AGAP5: variants seen among roughly 807,000 people sequenced by gnomAD.
AGAP5 encodes ArfGAP with GTPase domain, ankyrin repeat and PH domain 5.
AGAP5 carries 8 observed loss-of-function variants against 27.7 expected under a neutral mutation model. That is an observed-to-expected ratio of 0.29 (90% CI 0.17 to 0.52). The LOEUF (loss-of-function observed/expected upper bound fraction) is 0.52. AGAP5 is among the 20% of genes least tolerant of loss of function. The probability of loss-of-function intolerance (pLI) is 0.97; values close to 1 mark genes in which losing one functional copy is unlikely to be tolerated. For missense variants in AGAP5, 285 were observed against 880.8 expected, an observed-to-expected ratio of 0.32 and a Z score of 8.56; for synonymous variants, 111 against 338.0, an observed-to-expected ratio of 0.33 and a Z score of 7.37.
intron 6 of AGAP5, among the ~76,000 whole-genome samples, chr10:73,677,627 C>A (rs2081991097): frequency 6.6e-6 from 1 of 151,888 alleles, no homozygotes; most frequent in Non-Finnish European, 1.5e-5. Context: ...CTCAGGCGAT[C>A]CACTTGCCTC....
At chr10:73,689,560 C>G (rs1216966578) in intron 4 of AGAP5, among the ~76,000 whole-genome samples, 2 of 151,466 alleles carry the variant, frequency 1.3e-5, no homozygotes, top group Non-Finnish European at 1.5e-5. Flanking sequence ...TCTTCCCGGC[C>G]GCCATCCCAT....
chr10:73,676,176 G>C, intron 7 of AGAP5, 102 bp from the exon 8 acceptor site: 1 of 1,569,878 alleles, frequency 6.4e-7, no homozygotes, highest in South Asian at 1.2e-5. Context: ...CATTTTCTGG[G>C]CCAGGCATGG....
At chr10:73,685,701 C>A (rs1349329856) in intron 4 of AGAP5, among the ~76,000 whole-genome samples, 1 of 151,922 alleles carries the variant, frequency 6.6e-6, no homozygotes, top group Non-Finnish European at 1.5e-5. Flanking sequence ...TACAGGTGAG[C>A]ACCACCACGC....
At chr10:73,692,970 AC>A (rs2082131745) in intron 3 of AGAP5, among the ~76,000 whole-genome samples, 2 of 152,136 alleles carry the variant, frequency 1.3e-5, no homozygotes, top group Non-Finnish European at 2.9e-5. Context: ...AAATGAGTAT[AC>A]AAACCTAATT....
At chr10:73,696,160 G>A (rs1236128116) in intron 2 of AGAP5, among the ~76,000 whole-genome samples, 1 of 152,104 alleles carries the variant, frequency 6.6e-6, no homozygotes, top group African/African-American at 2.4e-5. Flanking sequence ...CTACAGTCAT[G>A]CGCCACTACA....
At chr10:73,691,449 A>G (rs2082118023) in intron 4 of AGAP5, among the ~76,000 whole-genome samples, 2 of 148,198 alleles carry the variant, frequency 1.3e-5, no homozygotes, top group Non-Finnish European at 3.0e-5. Context: ...TAGCTATTCT[A>G]TTTTTGTTCT....
rs1027314128 is a variant in AGAP5, at chr10:73,675,942, G to T, written c.718C>A (p.Pro240Thr). ...ATGGACCGCTTGCAAACGGGGGTGG[G>T]TGTGTTGGCAGTGGGAGGAACACTG... The part of the protein sequence containing the change: ...QFSVPPTANT[P>T]TPVCKRSMRW... Residue 240 changes from proline to threonine, a missense_variant, in exon 8 of 8, where the codon CCC becomes ACC. Pro to Thr is a conservative substitution (Grantham distance 38). Transcript: ENST00000374094. 1.9e-6 allele frequency: 3 copies of T among 1,613,344 alleles called. No individual in the cohort carries two copies. The highest frequency in any genetic ancestry group is 2.5e-6 in the Non-Finnish European group (3 of 1,179,686).
Position 73,674,753 on chromosome 10 carries a change from T to A in AGAP5, c.1907A>T (p.Asn636Ile). The change falls in exon 8 of 8, where the codon AAT (asparagine) becomes ATT (isoleucine). Residue 636 changes from asparagine (N) to isoleucine (I), a missense_variant. By Grantham distance (149) the Asn-to-Ile change is moderately radical. Coordinates refer to ENST00000374094, the MANE Select transcript of AGAP5 (RefSeq NM_001144000.4). ...TALHLACRKG[N>I]VVLAQLLIWY... ...GATCAGGAGCTGTGCCAGGACCACA[T>A]TCCCCTTGCGGCAGGCCAGATGGAG... 2 of 1,612,088 alleles carry A rather than the reference T, an allele frequency of 1.2e-6. No homozygotes were observed. The highest frequency in any genetic ancestry group is 1.1e-5 in the South Asian group (1 of 90,990).
chr10:73,695,558 T>C (rs937080025), intron 2 of AGAP5, among the ~76,000 whole-genome samples: 3 of 152,256 alleles, frequency 2.0e-5, no homozygotes, highest in African/African-American at 7.2e-5. Flanking sequence ...AGTACTTATG[T>C]GCTTTGTGTA....
intron 3 of AGAP5, among the ~76,000 whole-genome samples, chr10:73,692,614 G>C (rs2082128592): frequency 6.7e-6 from 1 of 149,378 alleles, no homozygotes; most frequent in Non-Finnish European, 1.5e-5. Context: ...TTACACAACT[G>C]GAAAGTAACC....
chr10:73,691,640 G>A (rs566323251), intron 4 of AGAP5, among the ~76,000 whole-genome samples: 13 of 152,124 alleles, frequency 8.5e-5, no homozygotes, highest in African/African-American at 2.9e-4. Context: ...TTACAGGCAT[G>A]CACCACCACG....
chr10:73,695,620 T>G (rs2082154588), intron 2 of AGAP5, among the ~76,000 whole-genome samples: 1 of 152,226 alleles, frequency 6.6e-6, no homozygotes, highest in Non-Finnish European at 1.5e-5. Context: ...TCTAAAGCAA[T>G]CCTTAAATAT....
rs187145374 is a variant in AGAP5 at position 73,697,890 on chromosome 10, G to A, written c.-135C>T. On this transcript the variant is annotated 5_prime_UTR_variant, in exon 1 of 8. Coordinates refer to ENST00000374094, the MANE Select transcript of AGAP5 (RefSeq NM_001144000.4). ...GCTCCTCGCCTGCCCACCTCACAGC[G>A]CGGCCCCGGGCACCATCCCTGGCCC... 2.6e-3 allele frequency: 3,995 copies of A among 1,537,164 alleles called. 24 individuals are homozygous for A. Among genetic ancestry groups the A allele is most frequent in the South Asian group, 0.011 (893 of 84,650 alleles).
intron 2 of AGAP5, among the ~76,000 whole-genome samples, chr10:73,696,468 T>C (rs1265441652): frequency 6.6e-6 from 1 of 152,258 alleles, no homozygotes; most frequent in East Asian, 1.9e-4. Context: ...TACATTGACA[T>C]TTCATGTCTT....
At chr10:73,691,639 T>C (rs1047282034) in intron 4 of AGAP5, among the ~76,000 whole-genome samples, 3 of 152,080 alleles carry the variant, frequency 2.0e-5, no homozygotes, top group African/African-American at 2.4e-5. Flanking sequence ...ATTACAGGCA[T>C]GCACCACCAC....
intron 3 of AGAP5, among the ~76,000 whole-genome samples, chr10:73,693,391 T>C (rs1309237874): frequency 1.3e-5 from 2 of 152,188 alleles, no homozygotes; most frequent in Non-Finnish European, 2.9e-5. Context: ...ATTCTTATTA[T>C]GGTAATTTAA....
chr10:73,691,743 C>T (rs1255745385), intron 4 of AGAP5, among the ~76,000 whole-genome samples: 10 of 152,180 alleles, frequency 6.6e-5, no homozygotes, highest in South Asian at 2.1e-4. Context: ...CAGCCTGCCT[C>T]GGCCTCCTAA....
intron 4 of AGAP5, among the ~76,000 whole-genome samples, chr10:73,687,643 C>T (rs1434583482): frequency 6.6e-6 from 1 of 152,130 alleles, no homozygotes; most frequent in African/African-American, 2.4e-5. Flanking sequence ...ATTATACATA[C>T]ATTAATTTAA....
chr10:73,690,590 C>A (rs2082109187), intron 4 of AGAP5, among the ~76,000 whole-genome samples: 1 of 145,184 alleles, frequency 6.9e-6, no homozygotes, highest in South Asian at 2.2e-4. Flanking sequence ...GCGAGAAACA[C>A]CCAAGAATGA....
Sources: allele counts gnomAD v4.1 joint callset (sites outside exome capture counted in the v4.1 genomes callset), GRCh38; gene constraint gnomAD v4.1.1; transcripts MANE v1.5; gene names NCBI Gene and HGNC (gene_info 2026-07-23, HGNC 2026-07-21).